The following WASHC2A variants were observed in gnomAD, a reference collection of about 807,000 sequenced individuals.
WASHC2A encodes WASH complex subunit FAM21A.
Under a neutral mutation model 140.3 loss-of-function variants are expected in WASHC2A, and 82 were observed. The ratio of observed to expected loss-of-function variants is 0.58; its 90% CI spans 0.49 to 0.70. WASHC2A has a LOEUF of 0.70. WASHC2A is among the 30% of genes least tolerant of loss of function. The probability of loss-of-function intolerance (pLI) is 0.00; values close to 1 mark genes in which losing one functional copy is unlikely to be tolerated. For missense variants in WASHC2A, 985 were observed against 1,521.8 expected (o/e 0.65, Z 5.87); for synonymous variants, 340 against 560.8 (o/e 0.61, Z 5.56).
chr10:50,088,769 A>AT (rs1326735105), intron 8 of WASHC2A, among the ~76,000 whole-genome samples: 2 of 120,444 alleles, frequency 1.7e-5, no homozygotes, highest in Admixed American at 1.8e-4. Flanking sequence ...ACTGGGAAAT[A>AT]TTTTTTTCAC....
chr10:50,115,952 TTAAAAA>T (rs1371799124), intron 21 of WASHC2A, among the ~76,000 whole-genome samples: 4 of 151,876 alleles, frequency 2.6e-5, no homozygotes, highest in African/African-American at 9.7e-5. Flanking sequence ...CCCATCTCTA[TTAAAAA>T]TACAAAAATT....
intron 3 of WASHC2A, among the ~76,000 whole-genome samples, chr10:50,077,116 C>CAAAA (rs1337138073): frequency 1.7e-5 from 2 of 120,060 alleles, no homozygotes; most frequent in African/African-American, 6.4e-5. Flanking sequence ...GACTCCATCT[C>CAAAA]AAAAAAAAAA....
intron 5 of WASHC2A, among the ~76,000 whole-genome samples, chr10:50,082,743 G>A (rs1328615188): frequency 2.0e-5 from 3 of 147,724 alleles, no homozygotes; most frequent in Non-Finnish European, 4.5e-5. Flanking sequence ...CCTCCCAAAA[G>A]TGCTGGGATT....
At chr10:50,132,542 C>A (rs895991569) in intron 30 of WASHC2A, among the ~76,000 whole-genome samples, 6 of 152,222 alleles carry the variant, frequency 3.9e-5, no homozygotes, top group Admixed American at 6.5e-5. Flanking sequence ...AGTTACGCTT[C>A]CCTTTTTTCT....
chr10:50,104,720 A>T (rs1437787007), intron 18 of WASHC2A, among the ~76,000 whole-genome samples: 1 of 151,270 alleles, frequency 6.6e-6, no homozygotes, highest in Admixed American at 6.6e-5. Flanking sequence ...GCCTTTGAGA[A>T]ATACAATTGA....
chr10:50,093,407 A>C, intron 12 of WASHC2A, 21 bp downstream of exon 12: 1 of 1,332,192 alleles, frequency 7.5e-7, no homozygotes, highest in South Asian at 1.2e-5. Context: ...GGCACCCAGC[A>C]ACACTCCCTG....
intron 28 of WASHC2A, among the ~76,000 whole-genome samples, chr10:50,128,335 C>T (rs1843628921): frequency 6.6e-6 from 1 of 152,240 alleles, no homozygotes; most frequent in South Asian, 2.1e-4. Context: ...ACCAGGAATG[C>T]TCCTCTCTGT....
intron 5 of WASHC2A, among the ~76,000 whole-genome samples, chr10:50,083,251 C>G (rs1839064263): frequency 8.6e-6 from 1 of 115,846 alleles, no homozygotes; most frequent in South Asian, 3.0e-4. Context: ...CCATCTGCCT[C>G]AGCCTCCGAA....
In WASHC2A at chr10:50,129,653, G is replaced by A; in HGVS notation, c.3322G>A (p.Val1108Met). The A allele has an allele frequency of 1.2e-6, 2 of 1,612,098 alleles. No individual in the cohort carries two copies. The highest frequency in any genetic ancestry group is 1.1e-5 in the South Asian group (1 of 90,992). ...CGCTGCACCTTGGGAAGGTGGTCCTGTGCCTGGAGTGGACAGAAGCCCCTT... is the reference window on the plus strand; with the variant it reads ...CGCTGCACCTTGGGAAGGTGGTCCTATGCCTGGAGTGGACAGAAGCCCCTT... ...AAAAPWEGGP[V>M]PGVDRSPFAK... The change falls in exon 29 of 31, where the codon GTG becomes ATG. Residue 1108 changes from valine to methionine, a missense_variant. Transcript: ENST00000282633.
chr10:50,098,445 C>T (rs1358046576), intron 16 of WASHC2A, among the ~76,000 whole-genome samples: 1 of 136,534 alleles, frequency 7.3e-6, no homozygotes, highest in Admixed American at 8.0e-5. Context: ...TTCACAATAG[C>T]GTTTGCCTTC....
chr10:50,069,492 T>G, intron 2 of WASHC2A, 55 bp from the exon 3 acceptor site: 1 of 1,558,314 alleles, frequency 6.4e-7, no homozygotes, highest in South Asian at 1.2e-5. Context: ...TGATGTGACA[T>G]GCAGAATAGT....
rs1341643505 is a variant in WASHC2A at position 50,097,872 on chromosome 10, G to A, written c.1548+70G>A. On this transcript the variant is annotated intron_variant, in intron 16 of 30. Coordinates refer to ENST00000282633, the MANE Select transcript of WASHC2A (RefSeq NM_001005751.3). ...ATTTTAATAATTCATCCTGAACCCA[G>A]AGGGAAGTGCTGTTCCCTTTCACGT... 3 of 1,610,224 alleles carry A rather than the reference G, an allele frequency of 1.9e-6. No individual in the cohort carries two copies. In the African/African-American group the frequency reaches 4.0e-5, roughly 22 times the overall value.
rs1209322888 is a variant in WASHC2A, at chr10:50,082,717, G to A, written c.529-1355G>A. Among the ~76,000 whole-genome samples, 36 of 147,766 alleles carry A rather than the reference G, an allele frequency of 2.4e-4. 1 individual carries two copies. The highest frequency in any genetic ancestry group is 6.9e-4 in the African/African-American group (28 of 40,294). ...TGGTCTTGAACTCCTGACCTCAAGT[G>A]ATCCGCCCGCCTCGGCCTCCCAAAA... On this transcript the variant is annotated intron_variant, in intron 5 of 30. Coordinates refer to ENST00000282633, the MANE Select transcript of WASHC2A (RefSeq NM_001005751.3).
intron 5 of WASHC2A, among the ~76,000 whole-genome samples, chr10:50,081,284 A>C (rs1838856149): frequency 1.5e-5 from 2 of 135,074 alleles, no homozygotes; most frequent in Non-Finnish European, 3.2e-5. Context: ...ATGATATTTG[A>C]ATTGGGGTTT....
intron 13 of WASHC2A, 75 bp downstream of exon 13, chr10:50,093,992 A>G: frequency 1.9e-6 from 3 of 1,605,964 alleles, no homozygotes; most frequent in South Asian, 2.2e-5. Flanking sequence ...AGATGGAACA[A>G]GGTTGTTCCC....
intron 3 of WASHC2A, among the ~76,000 whole-genome samples, chr10:50,077,703 C>T (rs1430018200): frequency 6.6e-6 from 1 of 152,108 alleles, no homozygotes; most frequent in African/African-American, 2.4e-5. Flanking sequence ...GATAGGGTCT[C>T]ACTTTTTCAC....
chr10:50,095,109 T>A (rs1554884264), intron 13 of WASHC2A, 39 bp from the exon 14 acceptor site: 2 of 1,567,110 alleles, frequency 1.3e-6, no homozygotes, highest in Non-Finnish European at 1.7e-6. Flanking sequence ...GAAAGTTATT[T>A]CCCTTGTAAA....
chr10:50,095,892 G>A lies in WASHC2A; in HGVS notation c.1420+114G>A, dbSNP rs1840457446. ...TTACAGTGCCAGAATCCCTTCTCCA[G>A]CATTCCTGTCATTGAGTTGTTGTGT... On this transcript the variant is annotated intron_variant, in intron 15 of 30. Coordinates refer to ENST00000282633, the MANE Select transcript of WASHC2A (RefSeq NM_001005751.3). The A allele has an allele frequency of 1.6e-5, 22 of 1,373,664 alleles. No individual in the cohort carries two copies. The South Asian group carries it at 3.1e-4, about 19-fold the overall frequency. 85.1% of individuals were successfully genotyped at this position (1,373,664 alleles called of 1,614,324 possible).
intron 17 of WASHC2A, among the ~76,000 whole-genome samples, chr10:50,100,313 C>T (rs1449389941): frequency 1.3e-5 from 2 of 151,646 alleles, no homozygotes; most frequent in African/African-American, 4.8e-5. Flanking sequence ...GAAACCCAGT[C>T]TCTATTAAAA....
Sources: gnomAD v4.1 joint callset for allele counts (sites outside exome capture counted in the v4.1 genomes callset) on GRCh38, gnomAD v4.1.1 for gene constraint, MANE v1.5 for transcripts, NCBI Gene and HGNC (gene_info 2026-07-23, HGNC 2026-07-21) for gene names.